Variants in NR3C2 observed in about 807,000 individuals in gnomAD.
NR3C2 encodes the protein nuclear receptor subfamily 3 group C member 2, also known as mineralocorticoid receptor.
A neutral mutation model predicts 86.4 loss-of-function variants in NR3C2; 15 were observed. That is an observed-to-expected ratio of 0.17 (90% CI 0.12 to 0.27). The LOEUF (loss-of-function observed/expected upper bound fraction) is 0.27, where lower values mean the gene tolerates loss of function less well. NR3C2 is among the 10% of genes least tolerant of loss of function. The pLI, the probability that NR3C2 is intolerant of heterozygous loss-of-function variation, is 1.00. For synonymous variants in NR3C2, 458 were observed against 450.5 expected (o/e 1.02, Z -0.21); for missense variants, 960 against 1,195.6 (o/e 0.80, Z 2.91).
intron 5 of NR3C2, among the ~76,000 whole-genome samples, chr4:148,153,953 G>T (rs1239560209): frequency 6.6e-6 from 1 of 151,806 alleles, no homozygotes; most frequent in East Asian, 1.9e-4. Context: ...AATATTTTTG[G>T]ATGAAATTTT....
At chr4:148,349,041 A>G (rs1745140890) in intron 2 of NR3C2, among the ~76,000 whole-genome samples, 1 of 152,182 alleles carries the variant, frequency 6.6e-6, no homozygotes, top group South Asian at 2.1e-4. Context: ...TAACTCAAGA[A>G]AGAAAATGAA....
chr4:148,443,912 C>G (rs988265572), upstream of NR3C2: 68 of 824,180 alleles, frequency 8.3e-5, no homozygotes, highest in Non-Finnish European at 9.7e-5. Flanking sequence ...TCAGGAACTC[C>G]CTGGAGATAG....
At chr4:148,237,964 G>C (rs1738828126) in intron 3 of NR3C2, among the ~76,000 whole-genome samples, 1 of 152,176 alleles carries the variant, frequency 6.6e-6, no homozygotes, top group East Asian at 1.9e-4. Context: ...ACATTCTGAT[G>C]AACCCAAATG....
At chr4:148,244,404 C>T (rs951564564) in intron 3 of NR3C2, among the ~76,000 whole-genome samples, 12 of 152,166 alleles carry the variant, frequency 7.9e-5, no homozygotes, top group African/African-American at 2.2e-4. Context: ...ATGCTACACT[C>T]GAAATTGTAG....
At chr4:148,189,332 A>G (rs1158990518) in intron 4 of NR3C2, among the ~76,000 whole-genome samples, 2 of 152,198 alleles carry the variant, frequency 1.3e-5, no homozygotes, top group Non-Finnish European at 2.9e-5. Context: ...TTTATGTAAC[A>G]TATCACATTT....
intron 7 of NR3C2, 22 bp from the exon 8 acceptor site, chr4:148,114,283 T>A: frequency 1.9e-6 from 3 of 1,613,188 alleles, no homozygotes; most frequent in Non-Finnish European, 1.7e-6. Flanking sequence ...AAAACAGACA[T>A]GTAAATTTCC....
chr4:148,154,791 T>C lies in NR3C2; in HGVS notation c.2125A>G (p.Thr709Ala), dbSNP rs1393474696. The C allele has an allele frequency of 3.8e-6, 5 of 1,317,304 alleles. No individual in the cohort carries two copies. The highest frequency in any genetic ancestry group is 5.1e-6 in the Non-Finnish European group (5 of 982,844). The allele number at this position is 1,317,304 out of a possible 1,614,324, so 81.6% of individuals were successfully genotyped here. A position where few individuals can be genotyped will look rare whatever the true frequency, so the allele number is the denominator to read the frequency against. Residue 709 changes from threonine (T) to alanine (A), a missense_variant, in exon 5 of 9, where the codon ACG becomes GCG. Physicochemically the swap from Thr to Ala is moderately conservative, Grantham distance 58. Coordinates refer to ENST00000358102, the MANE Select transcript of NR3C2 (RefSeq NM_000901.5). ...PPPQSPEEGT[T>A]YIAPAKEPSV... ...GGTTCTTTTGCAGGAGCGATGTACG[T>C]TGTCCCTTCCTCTGGGCTTTGCGGG...
chr4:148,141,438 CCTCT>C (rs1173984929), intron 6 of NR3C2, among the ~76,000 whole-genome samples: 6 of 122,552 alleles, frequency 4.9e-5, no homozygotes, highest in Admixed American at 4.0e-4. Context: ...TCTCTCTCTC[CCTCT>C]CTCTCACACA....
intron 6 of NR3C2, among the ~76,000 whole-genome samples, chr4:148,129,446 CA>C (rs1398581559): frequency 6.6e-6 from 1 of 152,106 alleles, no homozygotes; most frequent in Non-Finnish European, 1.5e-5. Context: ...GGTTGCACAA[CA>C]ATGTAATACT....
At chr4:148,240,448 TATATC>T (rs1372355969) in intron 3 of NR3C2, among the ~76,000 whole-genome samples, 1 of 151,876 alleles carries the variant, frequency 6.6e-6, no homozygotes, top group African/African-American at 2.4e-5. Flanking sequence ...CCACCCGCCT[TATATC>T]ATAAGGCCAT....
chr4:148,388,264 G>T (rs911857699), intron 2 of NR3C2, among the ~76,000 whole-genome samples: 3 of 152,168 alleles, frequency 2.0e-5, no homozygotes, highest in African/African-American at 7.2e-5. Context: ...GCCTGGAAAA[G>T]AAATGTTTTG....
chr4:148,350,459 G>GA (rs1216446377), intron 2 of NR3C2, among the ~76,000 whole-genome samples: 2 of 151,904 alleles, frequency 1.3e-5, no homozygotes, highest in African/African-American at 2.4e-5. Flanking sequence ...TACATTAATA[G>GA]AAAAAAATCT....
chr4:148,398,749 A>T (rs143885344), intron 2 of NR3C2, among the ~76,000 whole-genome samples: 379 of 152,342 alleles, frequency 2.5e-3, no homozygotes, highest in Admixed American at 4.7e-3. Context: ...ACCCTCATGG[A>T]GCTTACATTC....
chr4:148,117,568 T>C (rs1392027396), intron 7 of NR3C2, among the ~76,000 whole-genome samples: 1 of 152,224 alleles, frequency 6.6e-6, no homozygotes, highest in East Asian at 1.9e-4. Flanking sequence ...AATAGGGCTA[T>C]CAATCTCCCA....
chr4:148,084,003 T>C (rs1334952740), intron 8 of NR3C2, among the ~76,000 whole-genome samples: 1 of 151,996 alleles, frequency 6.6e-6, no homozygotes, highest in African/African-American at 2.4e-5. Flanking sequence ...GAACAAAGCC[T>C]CCAAGAAATA....
chr4:148,345,126 AGAG>A (rs1375353554), intron 2 of NR3C2, among the ~76,000 whole-genome samples: 1 of 152,174 alleles, frequency 6.6e-6, no homozygotes, highest in African/African-American at 2.4e-5. Flanking sequence ...GATTCCAGAT[AGAG>A]TAGTTATCCT....
intron 2 of NR3C2, among the ~76,000 whole-genome samples, chr4:148,335,646 G>T (rs574808770): frequency 1.8e-4 from 28 of 152,080 alleles, no homozygotes; most frequent in African/African-American, 6.5e-4. Flanking sequence ...ATTTGAAAAA[G>T]AAAATGATTT....
At chr4:148,349,084 G>A (rs905057358) in intron 2 of NR3C2, among the ~76,000 whole-genome samples, 1 of 152,094 alleles carries the variant, frequency 6.6e-6, no homozygotes, top group African/African-American at 2.4e-5. Context: ...ATTATTTGCT[G>A]AATTACTCAA....
At chr4:148,279,759 C>G (rs1383514936) in intron 2 of NR3C2, among the ~76,000 whole-genome samples, 1 of 152,054 alleles carries the variant, frequency 6.6e-6, no homozygotes, top group Non-Finnish European at 1.5e-5. Flanking sequence ...CAGAGTTTCA[C>G]TTTTTGCCCA....
Sources: gnomAD v4.1 joint callset for allele counts (sites outside exome capture counted in the v4.1 genomes callset) on GRCh38, gnomAD v4.1.1 for gene constraint, MANE v1.5 for transcripts, NCBI Gene and HGNC (gene_info 2026-07-23, HGNC 2026-07-21) for gene names.